The following EYA1 variants were observed in gnomAD, a reference collection of about 807,000 sequenced individuals.
The protein encoded by EYA1 is protein phosphatase EYA1.
EYA1 carries 16 observed loss-of-function variants against 82.0 expected under a neutral mutation model. The observed-to-expected ratio is 0.20, with a 90% confidence interval of 0.13 to 0.30. The LOEUF is 0.30. EYA1 is among the 10% of genes least tolerant of loss of function. The pLI, the probability that EYA1 is intolerant of heterozygous loss-of-function variation, is 1.00. For missense variants in EYA1, 633 were observed against 730.7 expected, an observed-to-expected ratio of 0.87 and a Z score of 1.54; for synonymous variants, 261 against 264.4, an observed-to-expected ratio of 0.99 and a Z score of 0.12.
intron 11 of EYA1, among the ~76,000 whole-genome samples, chr8:71,264,476 G>A (rs533012001): frequency 6.6e-6 from 1 of 152,238 alleles, no homozygotes; most frequent in Non-Finnish European, 1.5e-5. Context: ...ACTCTAGAGA[G>A]CAACTACAAG....
intron 3 of EYA1, among the ~76,000 whole-genome samples, chr8:71,337,910 C>G (rs1381739289): frequency 6.6e-6 from 1 of 152,170 alleles, no homozygotes; most frequent in African/African-American, 2.4e-5. Flanking sequence ...TGGAAGTTAG[C>G]CAACTTCTGT....
chr8:71,446,432 C>T (rs1477556243), intron 2 of EYA1, among the ~76,000 whole-genome samples: 1 of 151,960 alleles, frequency 6.6e-6, no homozygotes, highest in Non-Finnish European at 1.5e-5. Flanking sequence ...TTCCTGAGGC[C>T]CCCCAAGCCA....
At chr8:71,541,271 T>C (rs951563539) in intron 1 of EYA1, among the ~76,000 whole-genome samples, 2 of 152,226 alleles carry the variant, frequency 1.3e-5, no homozygotes, top group Non-Finnish European at 2.9e-5. Context: ...GTTGTAGATG[T>C]GGTTTCTACA....
intron 2 of EYA1, among the ~76,000 whole-genome samples, chr8:71,522,347 G>T (rs191446109): frequency 1.3e-5 from 2 of 152,226 alleles, no homozygotes; most frequent in African/African-American, 4.8e-5. Flanking sequence ...TTCTATGCAG[G>T]AGTCTCCAAT....
At chr8:71,271,159 GT>G (rs1488459559) in intron 10 of EYA1, among the ~76,000 whole-genome samples, 2 of 152,128 alleles carry the variant, frequency 1.3e-5, no homozygotes, top group Admixed American at 1.3e-4. Context: ...TTTAATTTTT[GT>G]GGATACTAGG....
intron 2 of EYA1, among the ~76,000 whole-genome samples, chr8:71,399,454 T>C (rs1586634935): frequency 1.3e-5 from 2 of 152,214 alleles, no homozygotes; most frequent in African/African-American, 4.8e-5. Context: ...ATACATGTGG[T>C]TATATCTCCT....
Position 71,361,851 on chromosome 8 carries a change from CG to C in EYA1, c.-260del, listed in dbSNP as rs1379562076. On this transcript the variant is annotated 5_prime_UTR_variant, in exon 1 of 18. The change abolishes the stop of an existing upstream ORF in the 5' untranslated region. Transcript: ENST00000340726. ...CAGGGGGCAGGCGCCTGGCCGCTGC[CG>C]CAGGCTCGGGCTGCCGAGCGACTGA... The C allele has an allele frequency of 8.1e-6, 8 of 985,410 alleles. No individual in the cohort carries two copies. Among genetic ancestry groups the C allele is most frequent in the Non-Finnish European group, 9.6e-6 (8 of 829,916 alleles). 61.0% of individuals were successfully genotyped at this position (985,410 alleles called of 1,614,324 possible). A position where few individuals can be genotyped will look rare whatever the true frequency, so the allele number is the denominator to read the frequency against.
At chr8:71,371,942 G>T (rs1018333161) in intron 2 of EYA1, among the ~76,000 whole-genome samples, 1 of 152,014 alleles carries the variant, frequency 6.6e-6, no homozygotes, top group Non-Finnish European at 1.5e-5. Context: ...AAATAGAGAA[G>T]TATAGAAAAT....
intron 3 of EYA1, among the ~76,000 whole-genome samples, chr8:71,341,338 T>G (rs898808915): frequency 1.3e-5 from 2 of 152,142 alleles, no homozygotes; most frequent in South Asian, 2.1e-4. Flanking sequence ...TTGGATTCAA[T>G]GACAGTATCA....
chr8:71,422,719 G>A (rs1212912274), intron 2 of EYA1, among the ~76,000 whole-genome samples: 3 of 152,108 alleles, frequency 2.0e-5, no homozygotes, highest in Non-Finnish European at 4.4e-5. Flanking sequence ...ATGGCAGGAA[G>A]GAAAAGAATG....
At chr8:71,240,452 G>A (rs915179323) in intron 12 of EYA1, among the ~76,000 whole-genome samples, 2 of 152,100 alleles carry the variant, frequency 1.3e-5, no homozygotes, top group African/African-American at 4.8e-5. Context: ...GTGGAGAGGG[G>A]AGTTTAGAAC....
At chr8:71,308,294 G>C (rs920965) in intron 7 of EYA1, among the ~76,000 whole-genome samples, 4 of 151,990 alleles carry the variant, frequency 2.6e-5, no homozygotes, top group Non-Finnish European at 1.5e-5. Flanking sequence ...TGGAATCAAA[G>C]GATCCCATTT....
At chr8:71,291,860 T>C (rs912079912) in intron 9 of EYA1, among the ~76,000 whole-genome samples, 14 of 152,266 alleles carry the variant, frequency 9.2e-5, no homozygotes, top group Admixed American at 5.9e-4. Context: ...GTAATGAATG[T>C]AGAGCTCTAA....
chr8:71,458,293 G>C (rs4317611), intron 2 of EYA1, among the ~76,000 whole-genome samples: 15,809 of 151,930 alleles, frequency 0.1, 1,620 homozygotes, highest in East Asian at 0.47. Context: ...TTGTTTTAAA[G>C]TTTCTAAGAA....
At position 71,392,882 on chromosome 8, in the gene EYA1, A is replaced by G. The variant is rs570424987; in HGVS notation, c.34-36371T>C. ...CAATATTTTCTATATGTGTTAGTTT[A>G]CTCAATCTCCTCATTTTTCTATTTT... On this transcript the variant is annotated intron_variant, in intron 2 of 18. Transcript: ENST00000643681. Among the ~76,000 whole-genome samples the G allele has an allele frequency of 1.4e-4, 22 of 152,056 alleles. 1 individual carries two copies. In the South Asian group the frequency reaches 4.6e-3, roughly 31 times the overall value.
intron 2 of EYA1, among the ~76,000 whole-genome samples, chr8:71,390,086 T>A (rs538198450): frequency 6.6e-6 from 1 of 152,262 alleles, no homozygotes; most frequent in Non-Finnish European, 1.5e-5. Context: ...GTTGATAGAT[T>A]TCCTTACGTT....
chr8:71,345,983 TACACACAAACAC>T (rs1313026938), intron 3 of EYA1, among the ~76,000 whole-genome samples: 6 of 151,842 alleles, frequency 4.0e-5, no homozygotes, highest in African/African-American at 1.5e-4. Context: ...ATCTTACACA[TACACACAAACAC>T]ACACACACAC....
At chr8:71,230,635 A>G (rs1811083375) in intron 12 of EYA1, among the ~76,000 whole-genome samples, 2 of 152,178 alleles carry the variant, frequency 1.3e-5, no homozygotes, top group Admixed American at 1.3e-4. Flanking sequence ...TGAAGTGTTT[A>G]CTGTCCCTTC....
At chr8:71,412,046 G>T (rs542108539) in intron 2 of EYA1, among the ~76,000 whole-genome samples, 4,432 of 151,128 alleles carry the variant, frequency 0.029, 196 homozygotes, top group African/African-American at 0.1. Flanking sequence ...ATACTATGCA[G>T]CCATAAAAAA....
Sources: allele counts gnomAD v4.1 joint callset (sites outside exome capture counted in the v4.1 genomes callset), GRCh38; gene constraint gnomAD v4.1.1; transcripts MANE v1.5; gene names NCBI Gene and HGNC (gene_info 2026-07-23, HGNC 2026-07-21).